Variants in EXOC4 observed in about 807,000 individuals in gnomAD.
EXOC4 encodes exocyst complex component 4, also known as SEC8-like 1.
In EXOC4, 71 loss-of-function variants were observed where a neutral mutation model predicts 107.2. That is an observed-to-expected ratio of 0.66 (90% CI 0.55 to 0.81). The LOEUF is 0.81. Ranked by LOEUF, EXOC4 falls within the 30% of genes least tolerant of loss-of-function variation. The pLI is 0.00. For missense variants in EXOC4, 1,108 were observed against 1,189.6 expected, an observed-to-expected ratio of 0.93 and a Z score of 1.01; for synonymous variants, 456 against 441.2, an observed-to-expected ratio of 1.03 and a Z score of -0.42.
chr7:133,515,390 CACATATAT>C lies in EXOC4; in HGVS notation c.1417+35262_1417+35269del, dbSNP rs1471350655. 4.0e-5 allele frequency among the ~76,000 whole-genome samples: 6 copies of C among 151,802 alleles called. No homozygotes were observed. The South Asian group carries it at 1.0e-3, about 26-fold the overall frequency. On this transcript the variant is annotated intron_variant, in intron 9 of 17. Coordinates refer to ENST00000253861, the MANE Select transcript of EXOC4 (RefSeq NM_021807.4). ...ATGTGTAATTATGTATAAATATATG[CACATATAT>C]ACATATATATACACGTGTATATATG...
At chr7:133,333,782 A>G (rs1031263931) in intron 5 of EXOC4, among the ~76,000 whole-genome samples, 2 of 152,148 alleles carry the variant, frequency 1.3e-5, no homozygotes, top group African/African-American at 4.8e-5. Context: ...TTCTTTCCTT[A>G]TTTCTAGCTC....
chr7:133,772,524 TATA>T (rs1366380218), intron 10 of EXOC4, among the ~76,000 whole-genome samples: 3 of 25,298 alleles, frequency 1.2e-4, no homozygotes, highest in Admixed American at 1.2e-3. Context: ...AAACTTAAAG[TATA>T]AAAAAAAAAA....
At chr7:133,265,089 T>A (rs1481350236) in intron 1 of EXOC4, among the ~76,000 whole-genome samples, 1 of 152,180 alleles carries the variant, frequency 6.6e-6, no homozygotes, top group Non-Finnish European at 1.5e-5. Context: ...AAGAATCACA[T>A]CAGCTCTAGA....
At position 133,659,000 on chromosome 7, in the gene EXOC4, C is replaced by CTTT. The variant is rs397890140; in HGVS notation, c.1514+28886_1514+28888dup. 3.8e-3 allele frequency among the ~76,000 whole-genome samples: 152 copies of CTTT among 40,134 alleles called. 30 individuals are homozygous for CTTT. The highest frequency in any genetic ancestry group is 7.9e-3 in the African/African-American group (78 of 9,840). The allele number at this position is 40,134 out of a possible 152,430, so 26.3% of individuals were successfully genotyped here. A position where few individuals can be genotyped will look rare whatever the true frequency, so the allele number is the denominator to read the frequency against. On this transcript the variant is annotated intron_variant, in intron 10 of 17. Coordinates refer to ENST00000253861, the MANE Select transcript of EXOC4 (RefSeq NM_021807.4). ...TGATTTGGTGAAGACTTCAGAGAAG[C>CTTT]TTTTTTTTTTTTTTTTTTTTTTTTT...
At chr7:133,516,772 T>TTTTTTTTTTTTTTTTTTC (rs71188898) in intron 9 of EXOC4, among the ~76,000 whole-genome samples, 4 of 146,214 alleles carry the variant, frequency 2.7e-5, no homozygotes, top group African/African-American at 5.0e-5. Flanking sequence ...TTTTTTTTTT[T>TTTTTTTTTTTTTTTTTTC]ACAGAATTTA....
chr7:133,277,984 C>T (rs1794036476), intron 2 of EXOC4, among the ~76,000 whole-genome samples: 1 of 152,108 alleles, frequency 6.6e-6, no homozygotes, highest in Non-Finnish European at 1.5e-5. Flanking sequence ...TATCTCAGAG[C>T]CAAGCAAAAT....
chr7:134,069,962 C>T (rs145741330), downstream of EXOC4, among the ~76,000 whole-genome samples: 1 of 152,210 alleles, frequency 6.6e-6, no homozygotes, highest in Non-Finnish European at 1.5e-5. Context: ...TCATTTCATT[C>T]AGGGCAGATG....
intron 11 of EXOC4, among the ~76,000 whole-genome samples, chr7:133,885,739 A>G (rs1799071634): frequency 6.6e-6 from 1 of 152,232 alleles, no homozygotes; most frequent in South Asian, 2.1e-4. Context: ...ATGAGGAGGC[A>G]CAAAGGCACA....
In EXOC4 at chr7:133,622,083, T is replaced by C. The variant is rs369861739; in HGVS notation, c.1418-7962T>C. 5.3e-5 allele frequency among the ~76,000 whole-genome samples: 8 copies of C among 152,218 alleles called. No individual in the cohort carries two copies. In the East Asian group the frequency reaches 1.4e-3, roughly 26 times the overall value. On this transcript the variant is annotated intron_variant, in intron 9 of 17. Transcript: ENST00000253861. ...TTGCACTCCTGGACTCAAGCTATCT[T>C]CCTGCCTCAGCCTCCCAAGTACCTG... is the stretch of plus-strand genomic sequence containing the variant.
chr7:133,262,369 T>G (rs951569109), intron 1 of EXOC4, among the ~76,000 whole-genome samples: 2 of 152,002 alleles, frequency 1.3e-5, no homozygotes, highest in Non-Finnish European at 2.9e-5. Context: ...GGCCAGTTTT[T>G]TTTTTTTTAT....
Position 133,927,207 on chromosome 7 carries a change from T to A in EXOC4, c.2027+9469T>A, listed in dbSNP as rs561221018. ...GAAAGTTACATGCATAGTAAGAAAT[T>A]CCCTTTGGAAAGCCACTGGCCTACA... is the stretch of plus-strand genomic sequence containing the variant. On this transcript the variant is annotated intron_variant, in intron 13 of 17. Transcript: ENST00000253861. 1.6e-4 allele frequency among the ~76,000 whole-genome samples: 25 copies of A among 152,226 alleles called. No individual in the cohort carries two copies. The South Asian group carries it at 5.2e-3, about 32-fold the overall frequency.
At chr7:133,689,633 G>A (rs1269575819) in intron 10 of EXOC4, among the ~76,000 whole-genome samples, 3 of 152,202 alleles carry the variant, frequency 2.0e-5, no homozygotes. Context: ...GATATCAAGG[G>A]TGGGGAGGAG....
intron 3 of EXOC4, among the ~76,000 whole-genome samples, chr7:133,294,819 GA>G (rs1794482785): frequency 1.3e-5 from 2 of 152,100 alleles, no homozygotes; most frequent in African/African-American, 4.8e-5. Flanking sequence ...AGATCCTTTG[GA>G]ATTGGATAAC....
At chr7:133,871,116 T>C (rs1366579198) in intron 11 of EXOC4, among the ~76,000 whole-genome samples, 1 of 152,238 alleles carries the variant, frequency 6.6e-6, no homozygotes, top group African/African-American at 2.4e-5. Context: ...TTAATTATTT[T>C]TTAACATTTC....
rs1368105119 is a variant in EXOC4, at chr7:133,301,963, T to C, written c.472-3914T>C. Reference sequence around the variant, plus strand: ...ACAAGCATTAACTAGGAAATAATTATTTCCTGTATTTTACACTAAAATGAA... The same window carrying C: ...ACAAGCATTAACTAGGAAATAATTACTTCCTGTATTTTACACTAAAATGAA... On this transcript the variant is annotated intron_variant, in intron 3 of 17. Coordinates refer to ENST00000253861, the MANE Select transcript of EXOC4 (RefSeq NM_021807.4). 2.0e-5 allele frequency among the ~76,000 whole-genome samples: 3 copies of C among 152,204 alleles called. No homozygotes were observed. In the East Asian group the frequency reaches 5.8e-4, roughly 29 times the overall value.
intron 4 of EXOC4, among the ~76,000 whole-genome samples, chr7:133,309,585 A>G (rs1208564280): frequency 1.3e-5 from 2 of 152,312 alleles, no homozygotes; most frequent in African/African-American, 4.8e-5. Context: ...GTATATATAT[A>G]TGTAAGTAAC....
At chr7:133,691,722 G>T (rs964928932) in intron 10 of EXOC4, among the ~76,000 whole-genome samples, 2 of 152,152 alleles carry the variant, frequency 1.3e-5, no homozygotes, top group African/African-American at 4.8e-5. Flanking sequence ...ATACAATAAA[G>T]AATAAAATTA....
At chr7:133,364,614 T>C (rs1316981526) in intron 6 of EXOC4, among the ~76,000 whole-genome samples, 1 of 152,200 alleles carries the variant, frequency 6.6e-6, no homozygotes, top group East Asian at 1.9e-4. Context: ...ATTGGAATGT[T>C]TGGATGCAGG....
chr7:133,569,656 G>GAC (rs771759174), intron 9 of EXOC4, among the ~76,000 whole-genome samples: 7 of 152,110 alleles, frequency 4.6e-5, no homozygotes, highest in Non-Finnish European at 8.8e-5. Flanking sequence ...GTGTGTGTAA[G>GAC]ACACACACAC....
Sources: gnomAD v4.1 joint callset for allele counts (sites outside exome capture counted in the v4.1 genomes callset) on GRCh38, gnomAD v4.1.1 for gene constraint, MANE v1.5 for transcripts, NCBI Gene and HGNC (gene_info 2026-07-23, HGNC 2026-07-21) for gene names.